The following RCOR1 variants were observed in gnomAD, a reference collection of about 807,000 sequenced individuals.
RCOR1 encodes REST corepressor.
A neutral mutation model predicts 64.0 loss-of-function variants in RCOR1; 12 were observed. The ratio of observed to expected loss-of-function variants is 0.19; its 90% CI spans 0.12 to 0.30. The LOEUF (loss-of-function observed/expected upper bound fraction) is 0.30. RCOR1 is among the 10% of genes least tolerant of loss of function. The pLI, the probability that RCOR1 is intolerant of heterozygous loss-of-function variation, is 1.00. For synonymous variants in RCOR1, 279 were observed against 227.2 expected (o/e 1.23, Z -2.05); for missense variants, 502 against 621.2 (o/e 0.81, Z 2.04).
At chr14:102,699,457 C>T (rs1478173235) in intron 3 of RCOR1, among the ~76,000 whole-genome samples, 1 of 152,158 alleles carries the variant, frequency 6.6e-6, no homozygotes, top group Non-Finnish European at 1.5e-5. Context: ...ATACATGCTT[C>T]TATAAGAGTT....
intron 2 of RCOR1, chr14:102,659,263 C>T (rs1894784579): frequency 2.0e-6 from 2 of 985,110 alleles, no homozygotes; most frequent in Admixed American, 6.1e-5. Flanking sequence ...TGCAGGGTTG[C>T]ATTGGCCTTC....
At chr14:102,608,049 C>A (rs1893551065) in intron 2 of RCOR1, among the ~76,000 whole-genome samples, 1 of 151,848 alleles carries the variant, frequency 6.6e-6, no homozygotes, top group Non-Finnish European at 1.5e-5. Flanking sequence ...CAGAGAGACT[C>A]CATCTCAAAA....
intron 2 of RCOR1, among the ~76,000 whole-genome samples, chr14:102,681,288 C>T (rs1401731575): frequency 6.6e-6 from 1 of 152,136 alleles, no homozygotes; most frequent in Non-Finnish European, 1.5e-5. Context: ...GGTCACTGAA[C>T]CTCCTGTTTC....
intron 7 of RCOR1, among the ~76,000 whole-genome samples, chr14:102,712,293 C>T (rs1033148305): frequency 6.6e-6 from 1 of 152,018 alleles, no homozygotes; most frequent in Admixed American, 6.6e-5. Context: ...AGTGATTCTC[C>T]TGCCTCAGCC....
intron 2 of RCOR1, among the ~76,000 whole-genome samples, chr14:102,628,846 G>A (rs942773087): frequency 3.3e-5 from 5 of 150,818 alleles, no homozygotes; most frequent in Admixed American, 3.3e-4. Context: ...GAGGCACCAC[G>A]CTCGGCCTCC....
At chr14:102,593,367 G>A in intron 2 of RCOR1, 42 bp downstream of exon 2, 1 of 1,486,582 alleles carries the variant, frequency 6.7e-7, no homozygotes, top group Non-Finnish European at 8.9e-7. Flanking sequence ...GGATGAGCGG[G>A]AGCCCCGGGT....
chr14:102,662,155 T>A (rs1182922330), intron 2 of RCOR1: 1 of 386,560 alleles, frequency 2.6e-6, no homozygotes, highest in Admixed American at 3.3e-5. Context: ...AGTCATTAAA[T>A]GTACATACTT....
rs568100666 is a variant in RCOR1 at position 102,657,260 on chromosome 14, T to A, written c.362-24635T>A. The A allele has an allele frequency of 4.4e-5, 43 of 985,364 alleles. No individual in the cohort carries two copies. The African/African-American group carries it at 7.0e-4, about 16-fold the overall frequency. 61.0% of individuals were successfully genotyped at this position (985,364 alleles called of 1,614,324 possible). A position where few individuals can be genotyped will look rare whatever the true frequency, so the allele number is the denominator to read the frequency against. On this transcript the variant is annotated intron_variant, in intron 2 of 11. Transcript: ENST00000262241. ...AGTGTCAGTGCATAGATTTAGGATTTCCCACCTGTATGTATGCTTTTGGTG... is the reference window on the plus strand; with the variant it reads ...AGTGTCAGTGCATAGATTTAGGATTACCCACCTGTATGTATGCTTTTGGTG...
At chr14:102,703,825 C>T (rs1419120347) in intron 4 of RCOR1, among the ~76,000 whole-genome samples, 1 of 152,210 alleles carries the variant, frequency 6.6e-6, no homozygotes, top group East Asian at 1.9e-4. Flanking sequence ...CTGCCCAGGG[C>T]AAGGCCAAGA....
intron 2 of RCOR1, among the ~76,000 whole-genome samples, chr14:102,673,405 C>T (rs1028963889): frequency 3.3e-5 from 5 of 150,244 alleles, no homozygotes; most frequent in East Asian, 1.9e-4. Flanking sequence ...GGCAGGATCT[C>T]GGCTCACTGC....
chr14:102,659,570 T>C (rs1199459488), intron 2 of RCOR1, among the ~76,000 whole-genome samples: 1 of 152,200 alleles, frequency 6.6e-6, no homozygotes, highest in Non-Finnish European at 1.5e-5. Flanking sequence ...TCCTTGACAC[T>C]ATCACCTCTG....
In RCOR1 at chr14:102,729,693, T is replaced by C. The variant is rs532144185; in HGVS notation, c.*3187T>C. On this transcript the variant is annotated 3_prime_UTR_variant, in exon 12 of 12. Coordinates refer to ENST00000262241, the MANE Select transcript of RCOR1 (RefSeq NM_015156.4). The stretch of plus-strand genomic sequence containing the variant: ...ACAGACCACTGTTAAGTGTGCTCAT[T>C]GTCACTTTAAATTTCAACGATACCC... 2.5e-6 allele frequency: 1 copy of C among 396,566 alleles called. No homozygotes were observed. Among genetic ancestry groups the C allele is most frequent in the African/African-American group, 2.1e-5 (1 of 48,706 alleles). The allele number at this position is 396,566 out of a possible 1,614,324, so 24.6% of individuals were successfully genotyped here.
At chr14:102,708,291 G>A (rs1351094846) in intron 5 of RCOR1, among the ~76,000 whole-genome samples, 174 bp from the exon 6 acceptor site, 3 of 150,914 alleles carry the variant, frequency 2.0e-5, no homozygotes, top group East Asian at 2.0e-4. Context: ...TAGTAGAGAC[G>A]GGGTTTCACC....
chr14:102,704,965 A>G lies in RCOR1; in HGVS notation c.499-2386A>G, dbSNP rs532897469. Reference sequence around the variant, plus strand: ...TATGGTGACACCTCATCTCTAAAAAAAAGTTTAAAAATTAGCCAAACATGG... The same window carrying G: ...TATGGTGACACCTCATCTCTAAAAAGAAGTTTAAAAATTAGCCAAACATGG... On this transcript the variant is annotated intron_variant, in intron 4 of 11. Transcript: ENST00000262241. Among the ~76,000 whole-genome samples the G allele has an allele frequency of 1.8e-3, 270 of 152,266 alleles. 1 individual carries two copies. The highest frequency in any genetic ancestry group is 6.2e-3 in the African/African-American group (258 of 41,558).
intron 2 of RCOR1, among the ~76,000 whole-genome samples, chr14:102,620,286 G>A (rs540682172): frequency 6.6e-6 from 1 of 152,184 alleles, no homozygotes; most frequent in African/African-American, 2.4e-5. Flanking sequence ...AATTAGTCGC[G>A]GCGGGGTGCG....
intron 2 of RCOR1, among the ~76,000 whole-genome samples, chr14:102,649,548 A>G (rs1894543119): frequency 6.6e-6 from 1 of 152,186 alleles, no homozygotes. Context: ...TTAGGAAGCA[A>G]GTGATGTGAA....
chr14:102,663,263 C>T (rs767538290), intron 2 of RCOR1, among the ~76,000 whole-genome samples: 25 of 152,192 alleles, frequency 1.6e-4, no homozygotes, highest in Non-Finnish European at 2.2e-4. Flanking sequence ...TCCAGTTAAA[C>T]CTCTTTGTTT....
At chr14:102,605,182 G>C (rs934515225) in intron 2 of RCOR1, among the ~76,000 whole-genome samples, 2 of 151,880 alleles carry the variant, frequency 1.3e-5, no homozygotes, top group Admixed American at 1.3e-4. Flanking sequence ...TTTATGTTTC[G>C]GGTTGCCAGA....
chr14:102,677,412 C>A (rs867100679), intron 2 of RCOR1, among the ~76,000 whole-genome samples: 2 of 136,282 alleles, frequency 1.5e-5, no homozygotes, highest in Non-Finnish European at 3.2e-5. Flanking sequence ...GACGGGGTGG[C>A]TGCCGGACGG....
Sources: gnomAD v4.1 joint callset for allele counts (sites outside exome capture counted in the v4.1 genomes callset) on GRCh38, gnomAD v4.1.1 for gene constraint, MANE v1.5 for transcripts, NCBI Gene and HGNC (gene_info 2026-07-23, HGNC 2026-07-21) for gene names.